TPRG1: variants seen among roughly 807,000 people sequenced by gnomAD.
The protein encoded by TPRG1 is tumor protein p63 regulated 1.
In TPRG1, 29 loss-of-function variants were observed where a neutral mutation model predicts 29.3. The ratio of observed to expected loss-of-function variants is 0.99; its 90% confidence interval spans 0.74 to 1.35. The LOEUF (loss-of-function observed/expected upper bound fraction) is 1.35. Among genes scored for constraint, TPRG1 ranks in the 40% most tolerant of loss-of-function variants. The probability of loss-of-function intolerance (pLI) is 0.00; values close to 1 mark genes in which losing one functional copy is unlikely to be tolerated. For synonymous variants in TPRG1, 130 were observed against 116.8 expected, an observed-to-expected ratio of 1.11 and a Z score of -0.73; for missense variants, 327 against 335.0, an observed-to-expected ratio of 0.98 and a Z score of 0.19.
At position 189,284,078 on chromosome 3, in the gene TPRG1, C is replaced by T. The variant is rs116606875; in HGVS notation, c.480-26308C>T. ...CCAATATTACAAGGACATGTATCCT[C>T]TGTAGTCTCACCCACGTTTCCCAGG... On this transcript the variant is annotated intron_variant, in intron 4 of 5. Transcript: ENST00000345063. 3.6e-3 allele frequency among the ~76,000 whole-genome samples: 542 copies of T among 152,296 alleles called. 5 individuals carry two copies. Among genetic ancestry groups the T allele is most frequent in the African/African-American group, 0.012 (486 of 41,574 alleles).
intron 3 of TPRG1, among the ~76,000 whole-genome samples, chr3:189,237,181 C>T (rs757275125): frequency 2.0e-5 from 3 of 152,120 alleles, no homozygotes; most frequent in Non-Finnish European, 4.4e-5. Flanking sequence ...CTTATTTATC[C>T]ACTCAATAGA....
rs191250230 is a variant in TPRG1 at position 189,222,151 on chromosome 3, C to A, written c.302+6768C>A. 2.0e-4 allele frequency among the ~76,000 whole-genome samples: 31 copies of A among 152,176 alleles called. No homozygotes were observed. The East Asian group carries it at 5.8e-3, about 28-fold the overall frequency. ...AGATCTTTCTCTGGTTTTTGCTGTT[C>A]ATTTGACTTTATTTAGTCTTTGACC... On this transcript the variant is annotated intron_variant, in intron 3 of 5. Coordinates refer to ENST00000345063, the MANE Select transcript of TPRG1 (RefSeq NM_198485.4).
intron 1 of TPRG1, among the ~76,000 whole-genome samples, chr3:189,114,986 G>A (rs527535840): frequency 2.5e-4 from 38 of 152,266 alleles, no homozygotes; most frequent in African/African-American, 8.7e-4. Flanking sequence ...AGGAATTTCT[G>A]TTTTTACACA....
At chr3:189,252,630 C>T (rs981236931) in intron 4 of TPRG1, among the ~76,000 whole-genome samples, 14 of 152,076 alleles carry the variant, frequency 9.2e-5, no homozygotes, top group South Asian at 2.1e-4. Context: ...TAATCTTAAC[C>T]GCACCATTTT....
At chr3:189,277,110 A>C (rs796917810) in intron 4 of TPRG1, among the ~76,000 whole-genome samples, 8 of 152,314 alleles carry the variant, frequency 5.3e-5, no homozygotes, top group African/African-American at 1.9e-4. Flanking sequence ...AGATAGAGGA[A>C]GTAACATGGA....
At chr3:189,210,642 C>T (rs927617219) in intron 2 of TPRG1, among the ~76,000 whole-genome samples, 1 of 152,168 alleles carries the variant, frequency 6.6e-6, no homozygotes, top group Non-Finnish European at 1.5e-5. Flanking sequence ...TACTGATGCT[C>T]TCTGTCCTGA....
chr3:189,190,922 T>C (rs1238009972), intron 1 of TPRG1: 1 of 982,828 alleles, frequency 1.0e-6, no homozygotes, highest in East Asian at 1.1e-4. Flanking sequence ...CCAAACATTA[T>C]CCCTTTGCAA....
intron 4 of TPRG1, among the ~76,000 whole-genome samples, chr3:189,259,955 T>A (rs949519517): frequency 6.6e-6 from 1 of 152,154 alleles, no homozygotes; most frequent in Non-Finnish European, 1.5e-5. Context: ...GCATTGTAAT[T>A]TTTGATGGTC....
At chr3:189,258,152 T>G (rs1712246553) in intron 4 of TPRG1, among the ~76,000 whole-genome samples, 1 of 152,132 alleles carries the variant, frequency 6.6e-6, no homozygotes, top group South Asian at 2.1e-4. Flanking sequence ...TTACCTTTGG[T>G]CTTTGCTGTT....
intron 1 of TPRG1, among the ~76,000 whole-genome samples, chr3:188,999,706 T>A (rs1220864615): frequency 6.6e-6 from 1 of 152,128 alleles, no homozygotes; most frequent in Non-Finnish European, 1.5e-5. Flanking sequence ...TTACTTTTTT[T>A]ATTGGCTGTA....
intron 4 of TPRG1, among the ~76,000 whole-genome samples, chr3:189,280,727 A>G (rs1159099955): frequency 1.3e-5 from 2 of 152,204 alleles, no homozygotes; most frequent in Non-Finnish European, 2.9e-5. Context: ...TATTTCTCTT[A>G]CCTGAGGCAA....
chr3:189,038,508 A>T (rs952641519), intron 4 of TPRG1, among the ~76,000 whole-genome samples: 7 of 152,132 alleles, frequency 4.6e-5, no homozygotes. Context: ...TGTAAAATGT[A>T]AAGATAAACT....
chr3:189,035,045 A>C (rs1426233651), intron 4 of TPRG1, among the ~76,000 whole-genome samples: 3 of 152,184 alleles, frequency 2.0e-5, no homozygotes, highest in African/African-American at 7.2e-5. Flanking sequence ...CTATATTACA[A>C]GGCTACGGTA....
intron 4 of TPRG1, among the ~76,000 whole-genome samples, chr3:189,069,872 G>A (rs1418606304): frequency 6.6e-6 from 1 of 152,174 alleles, no homozygotes; most frequent in Non-Finnish European, 1.5e-5. Context: ...GAGGTCAAGA[G>A]ATCGAGACCA....
chr3:189,057,905 C>T (rs1277172707), intron 4 of TPRG1, among the ~76,000 whole-genome samples: 3 of 147,106 alleles, frequency 2.0e-5, no homozygotes, highest in African/African-American at 7.5e-5. Context: ...CATATATACA[C>T]ACGTATATAT....
chr3:189,167,531 T>C (rs937620493), upstream of TPRG1, among the ~76,000 whole-genome samples: 1 of 152,132 alleles, frequency 6.6e-6, no homozygotes, highest in Non-Finnish European at 1.5e-5. Flanking sequence ...TGAGGCCAAG[T>C]GCAAAGTGAA....
At chr3:189,167,792 G>T (rs1190799424), upstream of TPRG1, among the ~76,000 whole-genome samples, 1 of 152,146 alleles carries the variant, frequency 6.6e-6, no homozygotes, top group Non-Finnish European at 1.5e-5. Flanking sequence ...GAAAAATGGT[G>T]CAACATTAGC....
At chr3:189,192,439 A>G (rs552778057) in intron 1 of TPRG1, among the ~76,000 whole-genome samples, 2 of 152,356 alleles carry the variant, frequency 1.3e-5, no homozygotes, top group East Asian at 1.9e-4. Context: ...CAAGGAGCTC[A>G]TGTACTAGTG....
intron 3 of TPRG1, among the ~76,000 whole-genome samples, chr3:189,236,482 C>G (rs1739468612): frequency 2.0e-5 from 3 of 152,148 alleles, no homozygotes; most frequent in Admixed American, 6.5e-5. Context: ...AGCAGACTCT[C>G]AAGAATTTCC....
Sources: gnomAD v4.1 joint callset for allele counts (sites outside exome capture counted in the v4.1 genomes callset) on GRCh38, gnomAD v4.1.1 for gene constraint, MANE v1.5 for transcripts, NCBI Gene and HGNC (gene_info 2026-07-23, HGNC 2026-07-21) for gene names.